PCDHA8: variants seen among roughly 807,000 people sequenced by gnomAD.
The protein encoded by PCDHA8 is protocadherin alpha 8.
PCDHA8 carries 53 observed loss-of-function variants against 61.8 expected under a neutral mutation model. The observed-to-expected ratio is 0.86, with a 90% CI of 0.69 to 1.08. PCDHA8 has a LOEUF of 1.08. Ranked by LOEUF, PCDHA8 falls within the 50% of genes least tolerant of loss-of-function variation. PCDHA8 has a pLI of 0.00. For missense variants in PCDHA8, 1,293 were observed against 1,245.0 expected (o/e 1.04, Z -0.58); for synonymous variants, 618 against 556.6 (o/e 1.11, Z -1.55).
chr5:140,847,163 A>G (rs1242348309), intron 1 of PCDHA8, among the ~76,000 whole-genome samples: 1 of 149,646 alleles, frequency 6.7e-6, no homozygotes, highest in Non-Finnish European at 1.5e-5. Flanking sequence ...TTTCTGAGTA[A>G]TAAACTAAAG....
chr5:140,843,901 A>G lies in PCDHA8; in HGVS notation c.2394+186A>G. 3 of 653,454 alleles carry G rather than the reference A, an allele frequency of 4.6e-6. 1 individual carries two copies. The highest frequency in any genetic ancestry group is 7.7e-6 in the Non-Finnish European group (3 of 388,320). 40.5% of individuals were successfully genotyped at this position (653,454 alleles called of 1,614,324 possible). A position where few individuals can be genotyped will look rare whatever the true frequency, so the allele number is the denominator to read the frequency against. On this transcript the variant is annotated intron_variant, in intron 1 of 3. Transcript: ENST00000531613. ...CATAATACAGTATTAATCATTCTCC[A>G]CAAGTTGGGTCTATCTTGAAACTCA...
intron 1 of PCDHA8, chr5:140,930,379 G>T (rs1249793792): frequency 6.6e-6 from 1 of 151,896 alleles, no homozygotes; most frequent in African/African-American, 2.4e-5. Flanking sequence ...GTGGCCCTTG[G>T]CATTTCAAAA....
Position 140,886,842 on chromosome 5 carries a change from A to AG in PCDHA8, c.2394+43127_2394+43128insG, listed in dbSNP as rs1190647876. ...ACTTCGTCTTGAAAAAAAAAAAAAA[A>AG]AAAAAGAAAGGTCTTCCCAACTCCT... is the stretch of plus-strand genomic sequence containing the variant. On this transcript the variant is annotated intron_variant, in intron 1 of 3. Coordinates refer to ENST00000531613, the MANE Select transcript of PCDHA8 (RefSeq NM_018911.3). 2.4e-3 allele frequency among the ~76,000 whole-genome samples: 362 copies of AG among 151,632 alleles called. 2 individuals are homozygous for AG. Among genetic ancestry groups the AG allele is most frequent in the Middle Eastern group, 0.014 (4 of 292 alleles).
chr5:140,870,759 G>C, intron 1 of PCDHA8: 1 of 1,613,572 alleles, frequency 6.2e-7, no homozygotes, highest in South Asian at 1.1e-5. Context: ...CGCTGCAGGT[G>C]TTCGTGCTGG....
intron 1 of PCDHA8, among the ~76,000 whole-genome samples, chr5:140,925,533 A>C (rs1334031760): frequency 1.3e-5 from 2 of 152,062 alleles, no homozygotes; most frequent in Non-Finnish European, 2.9e-5. Flanking sequence ...AAGCGAGGAG[A>C]AATACCTAAT....
rs139974024 is a variant in PCDHA8 at position 140,967,301 on chromosome 5, G to A, written c.2395-11648G>A. 5.0e-5 allele frequency: 81 copies of A among 1,612,148 alleles called. No homozygotes were observed. In the African/African-American group the frequency reaches 9.1e-4, roughly 18 times the overall value. ...GAGTGCGCAGGACCCCGACGTGGGC[G>A]CCAACTCAGTACAGACCTACGAGCT... On this transcript the variant is annotated intron_variant, in intron 1 of 3. Coordinates refer to ENST00000531613, the MANE Select transcript of PCDHA8 (RefSeq NM_018911.3).
intron 1 of PCDHA8, chr5:140,875,825 A>G: frequency 6.2e-7 from 1 of 1,614,174 alleles, no homozygotes; most frequent in East Asian, 2.2e-5. Flanking sequence ...CAGGTTTTCC[A>G]TGTGGACGTG....
At chr5:140,908,804 T>C (rs1157142483) in intron 1 of PCDHA8, among the ~76,000 whole-genome samples, 2 of 152,162 alleles carry the variant, frequency 1.3e-5, no homozygotes, top group African/African-American at 4.8e-5. Context: ...CATTAAAAAG[T>C]GAGAGCCTTT....
chr5:140,919,601 A>G (rs1465882979), intron 1 of PCDHA8, among the ~76,000 whole-genome samples: 1 of 152,178 alleles, frequency 6.6e-6, no homozygotes, highest in Non-Finnish European at 1.5e-5. Context: ...TTTAAAATAA[A>G]TTTTAAACTG....
At chr5:140,984,254 G>A (rs553931247) in intron 3 of PCDHA8, among the ~76,000 whole-genome samples, 1 of 152,278 alleles carries the variant, frequency 6.6e-6, no homozygotes, top group East Asian at 1.9e-4. Flanking sequence ...GACCTGGTAA[G>A]CCACAAACTA....
intron 1 of PCDHA8, among the ~76,000 whole-genome samples, chr5:140,890,337 A>G (rs1256335004): frequency 3.3e-5 from 5 of 152,192 alleles, no homozygotes; most frequent in African/African-American, 1.2e-4. Flanking sequence ...GGTAGTTGGG[A>G]TGGTTTACTA....
At chr5:140,975,896 T>C (rs1267301126) in intron 1 of PCDHA8, among the ~76,000 whole-genome samples, 1 of 152,202 alleles carries the variant, frequency 6.6e-6, no homozygotes, top group Non-Finnish European at 1.5e-5. Context: ...CATATGGAGT[T>C]TTGTGACCAT....
In PCDHA8 at chr5:140,883,112, A is replaced by G. The variant is rs141106500; in HGVS notation, c.2394+39397A>G. 408 of 1,614,156 alleles carry G rather than the reference A, an allele frequency of 2.5e-4. 3 individuals are homozygous for G. In the African/African-American group the frequency reaches 5.1e-3, roughly 20 times the overall value. ...AAATGGAGATATAGTTTACTCATTTAGAAGGCCTGTATGGCCTGCAGTGGT... is the reference window on the plus strand; with the variant it reads ...AAATGGAGATATAGTTTACTCATTTGGAAGGCCTGTATGGCCTGCAGTGGT... On this transcript the variant is annotated intron_variant, in intron 1 of 3. Coordinates refer to ENST00000531613, the MANE Select transcript of PCDHA8 (RefSeq NM_018911.3).
At chr5:140,856,553 T>TAC (rs1455018619) in intron 1 of PCDHA8, 2 of 1,598,066 alleles carry the variant, frequency 1.3e-6, no homozygotes, top group African/African-American at 2.7e-5. Flanking sequence ...ATTGCTTACT[T>TAC]ACAAACTCAG....
intron 1 of PCDHA8, among the ~76,000 whole-genome samples, chr5:140,951,992 A>G (rs1469467629): frequency 6.6e-6 from 1 of 152,212 alleles, no homozygotes; most frequent in Non-Finnish European, 1.5e-5. Flanking sequence ...AAAACCAGCC[A>G]AAAGAAAGAA....
chr5:140,906,252 C>T (rs1376694912), intron 1 of PCDHA8, among the ~76,000 whole-genome samples: 1 of 152,180 alleles, frequency 6.6e-6, no homozygotes, highest in Admixed American at 6.5e-5. Flanking sequence ...AACCCATACA[C>T]ACCTCCTGAA....
Position 140,842,474 on chromosome 5 carries a change from G to C in PCDHA8, c.1153G>C (p.Val385Leu). The C allele has an allele frequency of 6.2e-7, 1 of 1,613,946 alleles. No homozygotes were observed. The highest frequency in any genetic ancestry group is 1.6e-4 in the Middle Eastern group (1 of 6,062). The stretch of plus-strand genomic sequence containing the variant: ...CCTCGATTCAGGTGCCAACGGGCAG[G>C]TGACCTGCTCCCTGATGCCCCATGT... ...NDLDSGANGQ[V>L]TCSLMPHVPF... The change falls in exon 1 of 4, where the codon GTG becomes CTG. Residue 385 changes from valine (V) to leucine (L), a missense_variant. Coordinates refer to ENST00000531613, the MANE Select transcript of PCDHA8 (RefSeq NM_018911.3).
chr5:140,909,280 T>C (rs1353122604), intron 1 of PCDHA8, among the ~76,000 whole-genome samples: 3 of 152,212 alleles, frequency 2.0e-5, no homozygotes, highest in African/African-American at 7.2e-5. Flanking sequence ...TTGCTTCTGG[T>C]GGGCCTTATG....
At chr5:140,893,416 G>A (rs1351047268) in intron 1 of PCDHA8, among the ~76,000 whole-genome samples, 1 of 152,136 alleles carries the variant, frequency 6.6e-6, no homozygotes, top group Non-Finnish European at 1.5e-5. Context: ...ACTTAGGGAG[G>A]CAGAGGCAGG....
Sources: allele counts gnomAD v4.1 joint callset (sites outside exome capture counted in the v4.1 genomes callset), GRCh38; gene constraint gnomAD v4.1.1; transcripts MANE v1.5; gene names NCBI Gene and HGNC (gene_info 2026-07-23, HGNC 2026-07-21).